Variants in PHF24 observed in about 807,000 individuals in gnomAD.
PHF24 encodes the protein PHD finger protein 24.
In PHF24, 25 loss-of-function variants were observed where a neutral mutation model predicts 42.6. The ratio of observed to expected loss-of-function variants is 0.59; its 90% CI spans 0.43 to 0.82. The LOEUF (loss-of-function observed/expected upper bound fraction) is 0.82, where lower values mean the gene tolerates loss of function less well. Among genes scored for constraint, PHF24 ranks in the 40% least tolerant of loss-of-function variants. PHF24 has a pLI of 0.00. For synonymous variants in PHF24, 185 were observed against 204.8 expected (o/e 0.90, Z 0.83); for missense variants, 470 against 538.1 (o/e 0.87, Z 1.25).
chr9:34,956,962 C>T (rs1826389385), upstream of PHF24, among the ~76,000 whole-genome samples: 1 of 152,204 alleles, frequency 6.6e-6, no homozygotes, highest in Admixed American at 6.5e-5. Flanking sequence ...TTCAGTCTCA[C>T]CTCCATCACA....
chr9:34,867,002 G>A, the PHF24 span, among the ~76,000 whole-genome samples: 1 of 152,190 alleles, frequency 6.6e-6, no homozygotes, highest in Admixed American at 6.5e-5. Context: ...TGAGGCATGA[G>A]GAAAGTCCTG....
chr9:34,791,279 G>A, the PHF24 span, among the ~76,000 whole-genome samples: 4 of 152,168 alleles, frequency 2.6e-5, no homozygotes, highest in African/African-American at 7.2e-5. Context: ...TAGAACTGGT[G>A]TATAAGAGAA....
chr9:34,814,886 G>A, the PHF24 span, among the ~76,000 whole-genome samples: 7 of 152,158 alleles, frequency 4.6e-5, no homozygotes, highest in South Asian at 2.1e-4. Flanking sequence ...GATTATAGGC[G>A]CCCGCCACCA....
In PHF24 at chr9:34,971,320, C is replaced by T. The variant is rs772330236; in HGVS notation, c.22C>T (p.Arg8Trp). Residue 8 changes from arginine to tryptophan, a missense_variant, in exon 2 of 8, where the codon CGG (arginine) becomes TGG (tryptophan). Arg to Trp is a moderately radical substitution (Grantham distance 101). Coordinates refer to ENST00000242315, the Ensembl canonical transcript of PHF24. ...AGCCATGGGGGTGTTGATGTCCAAG[C>T]GGCAGACAGTGGAGCAGGTGCAGAA... 3.6e-5 allele frequency: 58 copies of T among 1,607,078 alleles called. No homozygotes were observed. Among genetic ancestry groups the T allele is most frequent in the Non-Finnish European group, 4.6e-5 (54 of 1,175,180 alleles).
the PHF24 span, among the ~76,000 whole-genome samples, chr9:34,699,500 G>A: frequency 6.6e-6 from 1 of 152,220 alleles, no homozygotes; most frequent in Non-Finnish European, 1.5e-5. Flanking sequence ...ACCTCTGTAA[G>A]TGGTCCCTTC....
the PHF24 span, among the ~76,000 whole-genome samples, chr9:34,875,946 ACACACTCTCTCTCTCTCTCT>A: frequency 1.8e-3 from 161 of 89,074 alleles, 1 homozygote; most frequent in South Asian, 6.8e-3. Flanking sequence ...ACACACACAC[ACACACTCTCTCTCTCTCTCT>A]CTCTCTCTCT....
the PHF24 span, among the ~76,000 whole-genome samples, chr9:34,767,489 C>T: frequency 6.6e-5 from 10 of 152,250 alleles, no homozygotes; most frequent in African/African-American, 1.7e-4. Context: ...AGACTCCGTG[C>T]GCGTAGGACC....
the PHF24 span, among the ~76,000 whole-genome samples, chr9:34,719,712 C>A: frequency 6.6e-6 from 1 of 152,180 alleles, no homozygotes; most frequent in African/African-American, 2.4e-5. Flanking sequence ...GGCTTCCTAC[C>A]TGATGCTGCT....
chr9:34,817,521 T>A, the PHF24 span, among the ~76,000 whole-genome samples: 12 of 152,246 alleles, frequency 7.9e-5, no homozygotes, highest in East Asian at 2.3e-3. Context: ...CTGGGGACAA[T>A]CTCTTATATC....
the PHF24 span, among the ~76,000 whole-genome samples, chr9:34,873,243 C>T: frequency 5.3e-5 from 8 of 152,036 alleles, no homozygotes; most frequent in African/African-American, 1.2e-4. Context: ...CTTTTGTTGC[C>T]TTTGCTTTTG....
the PHF24 span, among the ~76,000 whole-genome samples, chr9:34,942,151 C>A: frequency 2.6e-5 from 4 of 152,216 alleles, no homozygotes; most frequent in Non-Finnish European, 5.9e-5. Flanking sequence ...TTAGGGTCCT[C>A]CAAATCCTAC....
the PHF24 span, among the ~76,000 whole-genome samples, chr9:34,909,016 T>C: frequency 6.6e-6 from 1 of 150,956 alleles, no homozygotes; most frequent in Non-Finnish European, 1.5e-5. Context: ...GCCCGGCTAA[T>C]TTTTTGTATT....
the PHF24 span, among the ~76,000 whole-genome samples, chr9:34,695,202 C>G: frequency 1.3e-5 from 2 of 152,126 alleles, no homozygotes; most frequent in African/African-American, 4.8e-5. Context: ...GTTGATAAAC[C>G]AATGGCTGAT....
the PHF24 span, among the ~76,000 whole-genome samples, chr9:34,696,486 CA>C: frequency 0.023 from 2,112 of 92,502 alleles, 19 homozygotes; most frequent in South Asian, 0.044. Flanking sequence ...GACTCCATCT[CA>C]AAAAAAAAAA....
At chr9:34,837,225 C>T in the PHF24 span, 1 of 424,832 alleles carries the variant, frequency 2.4e-6, no homozygotes, top group Non-Finnish European at 4.8e-6. Context: ...AGCAAGAAGA[C>T]ACTGAGAACC....
chr9:34,692,031 C>T, the PHF24 span, among the ~76,000 whole-genome samples: 2 of 152,208 alleles, frequency 1.3e-5, no homozygotes, highest in African/African-American at 2.4e-5. Flanking sequence ...CATATTCAGA[C>T]AAATCTTAAA....
chr9:34,867,559 C>T, the PHF24 span, among the ~76,000 whole-genome samples: 1 of 152,186 alleles, frequency 6.6e-6, no homozygotes, highest in Non-Finnish European at 1.5e-5. Context: ...TAAGGAACAG[C>T]CAGTCACTGG....
exon 8 of PHF24, chr9:34,980,218 A>G (rs1181723910): frequency 2.0e-5 from 3 of 152,118 alleles, no homozygotes; most frequent in Non-Finnish European, 2.9e-5. Flanking sequence ...GGTGATGCCT[A>G]CCTCTTTGGA....
At chr9:34,867,432 AC>A in the PHF24 span, among the ~76,000 whole-genome samples, 1 of 87,978 alleles carries the variant, frequency 1.1e-5, no homozygotes, top group Non-Finnish European at 2.5e-5. Context: ...TACCAGGTAG[AC>A]CCCTTCAGGG....
Sources: allele counts gnomAD v4.1 joint callset (sites outside exome capture counted in the v4.1 genomes callset), GRCh38; gene constraint gnomAD v4.1.1; transcripts MANE v1.5; gene names NCBI Gene and HGNC (gene_info 2026-07-23, HGNC 2026-07-21).